The following EML1 variants were observed in gnomAD, a reference collection of about 807,000 sequenced individuals.
The protein encoded by EML1 is echinoderm microtubule-associated protein-like 1.
A neutral mutation model predicts 110.4 loss-of-function variants in EML1; 27 were observed. The ratio of observed to expected loss-of-function variants is 0.24; its 90% CI spans 0.18 to 0.34. The LOEUF is 0.34. EML1 is among the 10% of genes least tolerant of loss of function. The pLI is 1.00. For missense variants in EML1, 741 were observed against 1,030.9 expected (o/e 0.72, Z 3.85); for synonymous variants, 344 against 385.8 (o/e 0.89, Z 1.27).
chr14:99,741,943 G>C (rs568075764), intron 1 of EML1, among the ~76,000 whole-genome samples: 1 of 152,288 alleles, frequency 6.6e-6, no homozygotes, highest in East Asian at 1.9e-4. Context: ...TGCCCTGCTC[G>C]TAGGAGTCCC....
chr14:99,793,430 G>A lies in EML1; in HGVS notation c.-47G>A. 9.7e-7 allele frequency: 1 copy of A among 1,029,498 alleles called. No homozygotes were observed. Among genetic ancestry groups the A allele is most frequent in the Non-Finnish European group, 1.2e-6 (1 of 858,716 alleles). 63.8% of individuals were successfully genotyped at this position (1,029,498 alleles called of 1,614,324 possible). On this transcript the variant is annotated 5_prime_UTR_variant, in exon 1 of 22. Transcript: ENST00000262233. ...CTCAGCTCAGTGTGTGGTGAGCGGC[G>A]GCGGCGCGGCCGGGCCGGGGAGCGG...
At chr14:99,930,241 A>C (rs2060343153) in intron 17 of EML1, among the ~76,000 whole-genome samples, 1 of 152,252 alleles carries the variant, frequency 6.6e-6, no homozygotes, top group Non-Finnish European at 1.5e-5. Context: ...GCAGTTGAGA[A>C]CTAAATGTTT....
intron 8 of EML1, among the ~76,000 whole-genome samples, chr14:99,899,061 G>A (rs983396261): frequency 6.6e-6 from 1 of 152,086 alleles, no homozygotes; most frequent in Non-Finnish European, 1.5e-5. Flanking sequence ...GCTACTAGGA[G>A]GTTTTTAGCA....
chr14:99,880,399 C>G (rs2059365237), intron 4 of EML1, among the ~76,000 whole-genome samples: 1 of 152,186 alleles, frequency 6.6e-6, no homozygotes, highest in African/African-American at 2.4e-5. Context: ...TCCCGCCTTT[C>G]TTCCTCTGTA....
At chr14:99,880,751 T>C (rs1049075335) in intron 4 of EML1, among the ~76,000 whole-genome samples, 2 of 152,214 alleles carry the variant, frequency 1.3e-5, no homozygotes, top group African/African-American at 4.8e-5. Flanking sequence ...CAGTTCTGCC[T>C]TAATGTCTCC....
intron 2 of EML1, among the ~76,000 whole-genome samples, chr14:99,858,536 G>A (rs1310094110): frequency 6.6e-6 from 1 of 152,190 alleles, no homozygotes; most frequent in Non-Finnish European, 1.5e-5. Flanking sequence ...AGATGCCACA[G>A]TGTATTCAAC....
intron 17 of EML1, among the ~76,000 whole-genome samples, chr14:99,921,432 C>A (rs1479603393): frequency 2.0e-5 from 3 of 152,166 alleles, no homozygotes; most frequent in African/African-American, 7.2e-5. Flanking sequence ...ATTTCACAAG[C>A]CTCCTCAGAG....
At chr14:99,897,050 G>C in intron 6 of EML1, 95 bp from the exon 7 acceptor site, 1 of 1,160,490 alleles carries the variant, frequency 8.6e-7, no homozygotes, top group Non-Finnish European at 1.2e-6. Flanking sequence ...GATGGTAATA[G>C]TTATATGGTA....
intron 4 of EML1, among the ~76,000 whole-genome samples, chr14:99,889,498 A>C (rs2059549260): frequency 6.6e-6 from 1 of 152,190 alleles, no homozygotes; most frequent in African/African-American, 2.4e-5. Context: ...GCAGGGGGCA[A>C]ATAAGTGCTA....
At chr14:99,786,061 C>CAAAAAAAAA (rs56240053) in intron 1 of EML1, among the ~76,000 whole-genome samples, 5 of 120,384 alleles carry the variant, frequency 4.2e-5, no homozygotes, top group African/African-American at 1.5e-4. Flanking sequence ...CCTGGCTGCT[C>CAAAAAAAAA]AAAAAAAAAA....
chr14:99,857,821 C>T (rs552859427), intron 2 of EML1, among the ~76,000 whole-genome samples: 5 of 152,220 alleles, frequency 3.3e-5, no homozygotes, highest in Admixed American at 2.6e-4. Flanking sequence ...AGGCAATGGG[C>T]ATTTCAGTTG....
At chr14:99,919,418 G>GCACACAGACACA (rs749176175) in intron 16 of EML1, among the ~76,000 whole-genome samples, 24,841 of 94,830 alleles carry the variant, frequency 0.26, 2,466 homozygotes, top group Non-Finnish European at 0.32. Flanking sequence ...ACATACGCAT[G>GCACACAGACACA]CACACAGACA....
intron 2 of EML1, among the ~76,000 whole-genome samples, chr14:99,852,252 G>A (rs375998795): frequency 1.3e-5 from 2 of 152,186 alleles, no homozygotes; most frequent in South Asian, 2.1e-4. Context: ...AAGAGAATTC[G>A]TCTTGGCTGT....
At chr14:99,823,712 T>C (rs1361601510) in intron 1 of EML1, among the ~76,000 whole-genome samples, 1 of 151,882 alleles carries the variant, frequency 6.6e-6, no homozygotes, top group Admixed American at 6.6e-5. Context: ...AGAGGGACAG[T>C]GGGCAAGCAA....
intron 13 of EML1, among the ~76,000 whole-genome samples, chr14:99,913,057 A>G (rs1041461503): frequency 1.2e-4 from 19 of 152,352 alleles, no homozygotes; most frequent in African/African-American, 1.4e-4. Flanking sequence ...GTATTTTGCA[A>G]TTCTTTCTCT....
chr14:99,920,999 G>T, intron 17 of EML1, 122 bp downstream of exon 17: 1 of 871,080 alleles, frequency 1.1e-6, no homozygotes, highest in Non-Finnish European at 1.8e-6. Flanking sequence ...GTGGTTTAAC[G>T]CACAGATCAA....
At chr14:99,760,369 C>T (rs1444451363) in intron 1 of EML1, among the ~76,000 whole-genome samples, 1 of 152,134 alleles carries the variant, frequency 6.6e-6, no homozygotes, top group Non-Finnish European at 1.5e-5. Flanking sequence ...TCCCCCCACC[C>T]TTATGTCACA....
chr14:99,911,363 A>AT (rs1566933400), intron 12 of EML1, 59 bp from the exon 13 acceptor site: 1 of 1,529,832 alleles, frequency 6.5e-7, no homozygotes, highest in East Asian at 2.4e-5. Context: ...TGAGATTAGA[A>AT]AATGGGCAGA....
At chr14:99,861,673 G>A (rs762426227) in intron 2 of EML1, among the ~76,000 whole-genome samples, 3 of 152,108 alleles carry the variant, frequency 2.0e-5, no homozygotes, top group Admixed American at 6.5e-5. Flanking sequence ...GTAGAGACGA[G>A]GTTTCACCAT....
Sources: gnomAD v4.1 joint callset for allele counts (sites outside exome capture counted in the v4.1 genomes callset) on GRCh38, gnomAD v4.1.1 for gene constraint, MANE v1.5 for transcripts, NCBI Gene and HGNC (gene_info 2026-07-23, HGNC 2026-07-21) for gene names.